Variants in OXA1L observed in about 807,000 individuals in gnomAD.
OXA1L encodes the protein OXA1L mitochondrial inner membrane insertase.
OXA1L carries 42 observed loss-of-function variants against 52.2 expected under a neutral mutation model. The observed-to-expected ratio is 0.80, with a 90% CI of 0.63 to 1.04. The LOEUF is 1.04. Among genes scored for constraint, OXA1L ranks in the 50% least tolerant of loss-of-function variants. The pLI is 0.00. For synonymous variants in OXA1L, 239 were observed against 201.9 expected, an observed-to-expected ratio of 1.18 and a Z score of -1.56; for missense variants, 572 against 555.0, an observed-to-expected ratio of 1.03 and a Z score of -0.31.
chr14:22,771,303 G>A lies in OXA1L; in HGVS notation c.1138G>A (p.Glu380Lys), dbSNP rs2038459568. The A allele has an allele frequency of 6.2e-7, 1 of 1,614,216 alleles. No individual in the cohort carries two copies. The change falls in exon 9 of 10, where the codon GAG (glutamate) becomes AAG (lysine). Residue 380 changes from glutamate to lysine, a missense_variant. Around this residue, in one of 5 missense-constraint regions of OXA1L, gnomAD observed 244 missense variants for 240.2 expected, o/e 1.02. Transcript: ENST00000612549. ...KNAEMTRQLR[E>K]REQRMRNQLE... ...TGCTGAAATGACGCGTCAGCTGCGA[G>A]AGCGTGAACAACGCATGCGGAATCA...
chr14:22,770,637 T>C lies in OXA1L; in HGVS notation c.834+12T>C, dbSNP rs2038450463. The C allele has an allele frequency of 5.6e-6, 9 of 1,607,162 alleles. No homozygotes were observed. The highest frequency in any genetic ancestry group is 2.2e-5 in the South Asian group (2 of 90,998). The stretch of plus-strand genomic sequence containing the variant: ...GGGCTGTTCTTGAGGTAAGCCCAGA[T>C]TGGCCAAGTGCCAGGCCTGCAAAGT... On this transcript the variant is annotated intron_variant, in intron 6 of 9. Transcript: ENST00000612549.
In OXA1L at chr14:22,771,429, C is replaced by G. The variant is rs368470025; in HGVS notation, c.1184-5C>G. 1.7e-5 allele frequency: 27 copies of G among 1,614,206 alleles called. No individual in the cohort carries two copies. The East Asian group carries it at 1.8e-4, about 11-fold the overall frequency. ...GTTGAAATTTGTTTTCTCTTCTCCC[C>G]TCAGGTCCTTTACGACAGACCTTTA... is the stretch of plus-strand genomic sequence containing the variant. On this transcript the variant is annotated splice_polypyrimidine_tract_variant and splice_region_variant and intron_variant, in intron 9 of 9. Coordinates refer to ENST00000612549, the MANE Select transcript of OXA1L (RefSeq NM_005015.5).
chr14:22,770,499 G>A lies in OXA1L; in HGVS notation c.708G>A (p.Glu236=). 4 of 1,614,140 alleles carry A rather than the reference G, an allele frequency of 2.5e-6. No individual in the cohort carries two copies. Among genetic ancestry groups the A allele is most frequent in the Non-Finnish European group, 3.4e-6 (4 of 1,179,986 alleles). The change falls in exon 6 of 10, where the codon GAG becomes GAA. Residue 236 remains glutamate, a synonymous_variant. Transcript: ENST00000612549. The stretch of plus-strand genomic sequence containing the variant: ...TCTCCTTCTTCATTGCTTTGAGAGA[G>A]ATGGCCAACCTTCCTGTGCCCAGCC... The part of the protein sequence containing the change: ...IFISFFIALR[E]MANLPVPSLQ...
chr14:22,769,106 A>T (rs557556010), intron 3 of OXA1L, among the ~76,000 whole-genome samples: 7 of 152,096 alleles, frequency 4.6e-5, no homozygotes, highest in Non-Finnish European at 8.8e-5. Flanking sequence ...TTCTTTATTT[A>T]AAAATATGCT....
At position 22,772,504 on chromosome 14, in the gene OXA1L, A is replaced by AAAAAAAAC. The variant is rs2038487426; in HGVS notation, c.*953_*954insCAAAAAAA. On this transcript the variant is annotated 3_prime_UTR_variant, in exon 10 of 10. Coordinates refer to ENST00000612549, the MANE Select transcript of OXA1L (RefSeq NM_005015.5). ...ACTCCTTCTCAAAAAAAAAAAAAAAAAAAAAAAAAAAAAAACAGTTTAAAC... is the reference window on the plus strand; with the variant it reads ...ACTCCTTCTCAAAAAAAAAAAAAAAAAAAAAAACAAAAAAAAAAAAAAACAGTTTAAAC... 2.1e-5 allele frequency: 3 copies of AAAAAAAAC among 143,008 alleles called. No individual in the cohort carries two copies. Among genetic ancestry groups the AAAAAAAAC allele is most frequent in the African/African-American group, 8.0e-5 (3 of 37,378 alleles). 8.9% of individuals were successfully genotyped at this position (143,008 alleles called of 1,614,324 possible).
intron 7 of OXA1L, 36 bp from the exon 8 acceptor site, chr14:22,770,982 A>G: frequency 3.7e-6 from 6 of 1,612,750 alleles, no homozygotes; most frequent in Non-Finnish European, 5.1e-6. Flanking sequence ...GACCAGGGAT[A>G]CAGCTTCTGA....
At chr14:22,767,683 T>C (rs922958081) in intron 2 of OXA1L, 19 of 501,398 alleles carry the variant, frequency 3.8e-5, no homozygotes, top group Non-Finnish European at 6.7e-5. Context: ...ATCATGATAG[T>C]GATATTCAAA....
In OXA1L at chr14:22,770,149, G is replaced by A. The variant is rs374512985; in HGVS notation, c.584-44G>A. On this transcript the variant is annotated intron_variant, in intron 4 of 9. Coordinates refer to ENST00000612549, the MANE Select transcript of OXA1L (RefSeq NM_005015.5). ...GATAATGAGGATGTTCACCTCCACT[G>A]ATGTAACTGTTACCCCAACCATTAA... 7.0e-6 allele frequency: 10 copies of A among 1,436,944 alleles called. No individual in the cohort carries two copies. The African/African-American group carries it at 1.1e-4, about 16-fold the overall frequency. The allele number at this position is 1,436,944 out of a possible 1,614,324, so 89.0% of individuals were successfully genotyped here.
chr14:22,770,378 G>A, intron 5 of OXA1L, 83 bp from the exon 6 acceptor site: 3 of 1,560,562 alleles, frequency 1.9e-6, no homozygotes, highest in Admixed American at 3.4e-5. Context: ...GGTGGTGGTG[G>A]ATTATACATG....
In OXA1L at chr14:22,771,120, G is replaced by A. The variant is rs758246610; in HGVS notation, c.1042G>A (p.Val348Ile). 1.2e-6 allele frequency: 2 copies of A among 1,614,154 alleles called. No individual in the cohort carries two copies. Among genetic ancestry groups the A allele is most frequent in the East Asian group, 2.2e-5 (1 of 44,886 alleles). Residue 348 changes from valine to isoleucine, a missense_variant, in exon 8 of 10, where the codon GTT becomes ATT. Around this residue, in one of 5 missense-constraint regions of OXA1L, gnomAD observed 244 missense variants for 240.2 expected, o/e 1.02. Transcript: ENST00000612549. ...CACTGTACTTAAAATCCCCCAGCGT[G>A]TTGTACATGACCTGGACAAATTACC... Reference protein sequence around the residue: ...VRTVLKIPQRVVHDLDKLPPR... With the variant: ...VRTVLKIPQRIVHDLDKLPPR...
Position 22,766,923 on chromosome 14 carries a change from C to T in OXA1L, c.63+159C>T, listed in dbSNP as rs139459883. 433 of 1,514,548 alleles carry T rather than the reference C, an allele frequency of 2.9e-4. 2 individuals carry two copies. The Middle Eastern group carries it at 3.6e-3, about 13-fold the overall frequency. 93.8% of individuals were successfully genotyped at this position (1,514,548 alleles called of 1,614,324 possible). A position where few individuals can be genotyped will look rare whatever the true frequency, so the allele number is the denominator to read the frequency against. On this transcript the variant is annotated intron_variant, in intron 1 of 9. Transcript: ENST00000612549. Reference sequence around the variant, plus strand: ...TGTGAGGACGCGCTAGGGTTAGTCCCCGACACTATGGGCCCAGCAGCCCGG... The same window carrying T: ...TGTGAGGACGCGCTAGGGTTAGTCCTCGACACTATGGGCCCAGCAGCCCGG...
Position 22,766,712 on chromosome 14 carries a change from G to A in OXA1L, c.11G>A (p.Gly4Glu), listed in dbSNP as rs938257097. Residue 4 changes from glycine to glutamate, a missense_variant, in exon 1 of 10, where the codon GGA becomes GAA. Gly to Glu is a moderately conservative substitution (Grantham distance 98, BLOSUM62 -2). Transcript: ENST00000612549. MAM[G>E]LMCGRRELLR... ...CCTCTTCCGGGCAAAATGGCGATGG[G>A]ACTAATGTGCGGACGCCGGGAGCTT... is the stretch of plus-strand genomic sequence containing the variant. 1 of 1,614,292 alleles carries A rather than the reference G, an allele frequency of 6.2e-7. No homozygotes were observed. The highest frequency in any genetic ancestry group is 2.2e-5 in the East Asian group (1 of 44,890).
At chr14:22,766,864 C>A in intron 1 of OXA1L, 100 bp downstream of exon 1, 1 of 1,564,280 alleles carries the variant, frequency 6.4e-7, no homozygotes, top group Non-Finnish European at 8.6e-7. Flanking sequence ...CGCTGACCTG[C>A]TCACCGGGAC....
intron 1 of OXA1L, 25 bp downstream of exon 1, chr14:22,766,789 C>G: frequency 6.2e-7 from 1 of 1,613,534 alleles, no homozygotes; most frequent in Non-Finnish European, 8.5e-7. Context: ...GGGCAGAGCA[C>G]CGGGATGCTG....
rs1003982671 is a variant in OXA1L at position 22,772,439 on chromosome 14, A to G, written c.*881A>G. ...AGGAGGCAGAGCTTGCAGTGAGCCGAGATTGCGCCACTGCACTCCAGCCTG... is the reference window on the plus strand; with the variant it reads ...AGGAGGCAGAGCTTGCAGTGAGCCGGGATTGCGCCACTGCACTCCAGCCTG... On this transcript the variant is annotated 3_prime_UTR_variant, in exon 10 of 10. Coordinates refer to ENST00000612549, the MANE Select transcript of OXA1L (RefSeq NM_005015.5). 9.2e-5 allele frequency: 12 copies of G among 130,532 alleles called. No homozygotes were observed. The highest frequency in any genetic ancestry group is 2.9e-4 in the African/African-American group (10 of 34,500). 8.1% of individuals were successfully genotyped at this position (130,532 alleles called of 1,614,324 possible).
chr14:22,768,225 ATTC>A, intron 3 of OXA1L, 54 bp downstream of exon 3: 1 of 1,367,498 alleles, frequency 7.3e-7, no homozygotes, highest in Non-Finnish European at 1.0e-6. Flanking sequence ...ATAGATGGCA[ATTC>A]TTTGAATGGA....
At chr14:22,771,240 A>G (rs201460507) in intron 8 of OXA1L, 28 bp from the exon 9 acceptor site, 139 of 1,613,346 alleles carry the variant, frequency 8.6e-5, no homozygotes, top group Admixed American at 1.3e-4. Context: ...TAGGAATGCA[A>G]CTGACTCTCT....
chr14:22,769,995 G>T, intron 4 of OXA1L, 61 bp downstream of exon 4: 1 of 1,587,610 alleles, frequency 6.3e-7, no homozygotes, highest in Non-Finnish European at 8.6e-7. Context: ...CTTACATTCT[G>T]CTGGGGGAAA....
intron 5 of OXA1L, 65 bp downstream of exon 5, chr14:22,770,343 T>C: frequency 3.9e-6 from 6 of 1,529,034 alleles, no homozygotes; most frequent in South Asian, 2.3e-5. Flanking sequence ...CTGTGTTTCA[T>C]GTGTCCCAGG....
Sources: gnomAD v4.1 joint callset for allele counts (sites outside exome capture counted in the v4.1 genomes callset) on GRCh38, gnomAD v4.1.1 for gene constraint, gnomAD v4.1.1 regional missense constraint, MANE v1.5 for transcripts, NCBI Gene and HGNC (gene_info 2026-07-23, HGNC 2026-07-21) for gene names.